Variants in NDRG3 observed in about 807,000 individuals in gnomAD.
NDRG3 encodes the protein protein NDRG3.
In NDRG3, 23 loss-of-function variants were observed where a neutral mutation model predicts 57.2. The observed-to-expected ratio is 0.40, with a 90% CI of 0.29 to 0.57. The LOEUF (loss-of-function observed/expected upper bound fraction) is 0.57. Ranked by LOEUF, NDRG3 falls within the 20% of genes least tolerant of loss-of-function variation. The probability of loss-of-function intolerance (pLI) is 0.42; values close to 1 mark genes in which losing one functional copy is unlikely to be tolerated. For missense variants in NDRG3, 384 were observed against 457.3 expected (o/e 0.84, Z 1.46); for synonymous variants, 132 against 162.6 (o/e 0.81, Z 1.43).
intron 1 of NDRG3, among the ~76,000 whole-genome samples, chr20:36,743,804 C>G (rs150497223): frequency 0.028 from 4,170 of 150,368 alleles, 235 homozygotes; most frequent in African/African-American, 0.097. Flanking sequence ...GGCAACAGAG[C>G]GAGACTCCGT....
At chr20:36,678,234 A>G (rs986891650) in intron 8 of NDRG3, among the ~76,000 whole-genome samples, 3 of 152,204 alleles carry the variant, frequency 2.0e-5, no homozygotes, top group African/African-American at 7.2e-5. Flanking sequence ...AGGAGAAGCT[A>G]TTTGAGATAC....
At chr20:36,734,712 A>C (rs986543872) in intron 1 of NDRG3, among the ~76,000 whole-genome samples, 2 of 151,878 alleles carry the variant, frequency 1.3e-5, no homozygotes, top group Admixed American at 6.6e-5. Context: ...TATGCATTGC[A>C]GAATGTGTAG....
chr20:36,728,290 G>T (rs1030183787), intron 1 of NDRG3, among the ~76,000 whole-genome samples: 1 of 152,066 alleles, frequency 6.6e-6, no homozygotes, highest in Non-Finnish European at 1.5e-5. Flanking sequence ...CTGACCTCGT[G>T]ATCTACCTGC....
chr20:36,695,474 G>A (rs1190517198), intron 3 of NDRG3, among the ~76,000 whole-genome samples: 1 of 152,144 alleles, frequency 6.6e-6, no homozygotes, highest in Non-Finnish European at 1.5e-5. Flanking sequence ...TCCCCAGTAA[G>A]GAATATTAAT....
chr20:36,680,786 A>G (rs1482970967), intron 8 of NDRG3, 30 bp downstream of exon 8: 10 of 1,590,594 alleles, frequency 6.3e-6, no homozygotes, highest in Non-Finnish European at 7.8e-6. Context: ...GGCCAAGATA[A>G]GCCGATGGAC....
chr20:36,681,978 G>C (rs749403013), intron 7 of NDRG3, among the ~76,000 whole-genome samples: 2 of 152,140 alleles, frequency 1.3e-5, no homozygotes, highest in Non-Finnish European at 2.9e-5. Flanking sequence ...GATCACAGGC[G>C]TGAGCCACCG....
At chr20:36,732,515 T>C (rs1985345601) in intron 1 of NDRG3, among the ~76,000 whole-genome samples, 1 of 152,120 alleles carries the variant, frequency 6.6e-6, no homozygotes, top group African/African-American at 2.4e-5. Flanking sequence ...AGCAAAGCAT[T>C]TTCCCTTTCT....
rs1318064611 is a variant in NDRG3 at position 36,682,588 on chromosome 20, G to A, written c.384-10C>T. The A allele has an allele frequency of 1.2e-6, 2 of 1,612,554 alleles. No individual in the cohort carries two copies. The highest frequency in any genetic ancestry group is 1.3e-5 in the African/African-American group (1 of 74,896). ...AATGATGCTTTTCAGGCTGTGAATG[G>A]GACATAACGACAACTGACAGAGTCA... On this transcript the variant is annotated splice_polypyrimidine_tract_variant and intron_variant, in intron 6 of 15. Transcript: ENST00000349004.
intron 3 of NDRG3, among the ~76,000 whole-genome samples, chr20:36,692,497 T>C (rs888655695): frequency 6.6e-6 from 1 of 152,142 alleles, no homozygotes; most frequent in Non-Finnish European, 1.5e-5. Flanking sequence ...GTGCTGGGAT[T>C]ACAGGCGTGA....
intron 13 of NDRG3, among the ~76,000 whole-genome samples, chr20:36,659,030 C>A (rs2148024261): frequency 6.7e-6 from 1 of 149,744 alleles, no homozygotes; most frequent in South Asian, 2.2e-4. Context: ...GAGCACAAAT[C>A]CTCGAATTCC....
chr20:36,663,578 A>T (rs1979381336), intron 12 of NDRG3, among the ~76,000 whole-genome samples: 1 of 151,992 alleles, frequency 6.6e-6, no homozygotes, highest in South Asian at 2.1e-4. Context: ...AACTACTAAT[A>T]AAAAAAAGAT....
intron 1 of NDRG3, among the ~76,000 whole-genome samples, chr20:36,732,393 G>GA (rs1362343844): frequency 6.6e-6 from 1 of 152,124 alleles, no homozygotes; most frequent in Non-Finnish European, 1.5e-5. Flanking sequence ...TGTTCACTCA[G>GA]AAAAAAGACA....
chr20:36,685,476 A>G (rs1388928845), intron 5 of NDRG3, among the ~76,000 whole-genome samples: 2 of 151,922 alleles, frequency 1.3e-5, no homozygotes, highest in Non-Finnish European at 2.9e-5. Flanking sequence ...ATGCCTGGCT[A>G]ATTTTTCAAT....
rs548725518 is a variant in NDRG3 at position 36,675,606 on chromosome 20, G to A, written c.532-4209C>T. Among the ~76,000 whole-genome samples, 8 of 151,798 alleles carry A rather than the reference G, an allele frequency of 5.3e-5. No homozygotes were observed. The South Asian group carries it at 1.7e-3, about 32-fold the overall frequency. On this transcript the variant is annotated intron_variant, in intron 8 of 15. Transcript: ENST00000349004. ...TCTCCATGTTGGTCAGGCTGGTCTCGAACTCCCGACTTCAGGTGATATGCC... is the reference window on the plus strand; with the variant it reads ...TCTCCATGTTGGTCAGGCTGGTCTCAAACTCCCGACTTCAGGTGATATGCC...
At chr20:36,700,487 GA>G (rs35039348) in intron 3 of NDRG3, 1 of 531,992 alleles carries the variant, frequency 1.9e-6, no homozygotes, top group African/African-American at 1.9e-5. Context: ...TGAACAGCTT[GA>G]AAAAAACTCC....
At chr20:36,721,610 T>A (rs547831862) in intron 2 of NDRG3, 69 bp downstream of exon 2, 1 of 888,770 alleles carries the variant, frequency 1.1e-6, no homozygotes, top group Non-Finnish European at 1.8e-6. Flanking sequence ...ATTTAGATGA[T>A]ACAGAAAATG....
intron 2 of NDRG3, among the ~76,000 whole-genome samples, chr20:36,715,492 T>C (rs1984218740): frequency 6.6e-6 from 1 of 151,586 alleles, no homozygotes; most frequent in African/African-American, 2.4e-5. Context: ...TTTCTTCTTT[T>C]CTCTCTCTCC....
intron 12 of NDRG3, 146 bp downstream of exon 12, chr20:36,664,900 G>C (rs1448269039): frequency 2.5e-6 from 2 of 795,428 alleles, no homozygotes; most frequent in Admixed American, 3.5e-5. Flanking sequence ...TGTTGCCCAG[G>C]CTGGTCTCAA....
chr20:36,712,860 T>C (rs1984009077), intron 2 of NDRG3, among the ~76,000 whole-genome samples: 1 of 151,742 alleles, frequency 6.6e-6, no homozygotes, highest in Non-Finnish European at 1.5e-5. Context: ...CCTCCCAAAG[T>C]GTTGAGATTA....
Sources: allele counts gnomAD v4.1 joint callset (sites outside exome capture counted in the v4.1 genomes callset), GRCh38; gene constraint gnomAD v4.1.1; transcripts MANE v1.5; gene names NCBI Gene and HGNC (gene_info 2026-07-23, HGNC 2026-07-21).